NKAIN2: variants seen among roughly 807,000 people sequenced by gnomAD.
NKAIN2 encodes sodium/potassium transporting ATPase interacting 2, also known as sodium/potassium-transporting ATPase subunit beta-1-interacting protein 2.
NKAIN2 carries 14 observed loss-of-function variants against 32.6 expected under a neutral mutation model. That is an observed-to-expected ratio of 0.43 (90% CI 0.28 to 0.67). The LOEUF is 0.67. Among genes scored for constraint, NKAIN2 ranks in the 30% least tolerant of loss-of-function variants. The pLI is 0.17. For synonymous variants in NKAIN2, 80 were observed against 87.2 expected, an observed-to-expected ratio of 0.92 and a Z score of 0.46; for missense variants, 198 against 258.3, an observed-to-expected ratio of 0.77 and a Z score of 1.60.
chr6:123,975,216 T>C (rs901239037), intron 1 of NKAIN2, among the ~76,000 whole-genome samples: 1 of 152,190 alleles, frequency 6.6e-6, no homozygotes, highest in African/African-American at 2.4e-5. Flanking sequence ...AAATGTTGAA[T>C]AAACTGGGTT....
intron 3 of NKAIN2, among the ~76,000 whole-genome samples, chr6:124,570,165 G>A (rs771883855): frequency 8.5e-5 from 13 of 152,308 alleles, no homozygotes; most frequent in South Asian, 6.2e-4. Context: ...AAGCAGCAAA[G>A]CATTCAAAAG....
intron 3 of NKAIN2, among the ~76,000 whole-genome samples, chr6:124,414,385 T>A (rs571686682): frequency 6.6e-6 from 1 of 152,316 alleles, no homozygotes; most frequent in South Asian, 2.1e-4. Context: ...CCATCTTATA[T>A]AATGTTGGAT....
At chr6:124,285,126 G>A (rs1201241028) in intron 2 of NKAIN2, among the ~76,000 whole-genome samples, 2 of 152,140 alleles carry the variant, frequency 1.3e-5, no homozygotes, top group African/African-American at 2.4e-5. Flanking sequence ...GAATTTCAGA[G>A]CCTTGATTTC....
intron 4 of NKAIN2, among the ~76,000 whole-genome samples, chr6:124,705,728 CA>C (rs1369173461): frequency 6.6e-6 from 1 of 152,066 alleles, no homozygotes; most frequent in African/African-American, 2.4e-5. Flanking sequence ...ACAGTAAAAT[CA>C]TAAGACATAC....
chr6:124,796,661 G>C (rs775154683), intron 5 of NKAIN2, among the ~76,000 whole-genome samples: 1 of 152,162 alleles, frequency 6.6e-6, no homozygotes, highest in Admixed American at 6.5e-5. Context: ...CTCTAGATGA[G>C]TAGCTTCTCA....
intron 1 of NKAIN2, among the ~76,000 whole-genome samples, chr6:124,032,492 T>G (rs921873315): frequency 2.0e-5 from 3 of 152,120 alleles, no homozygotes; most frequent in African/African-American, 7.2e-5. Flanking sequence ...TAGAACTTAA[T>G]GTAATGAAAG....
At chr6:124,658,461 A>C in intron 4 of NKAIN2, 75 bp downstream of exon 4, 1 of 1,607,154 alleles carries the variant, frequency 6.2e-7, no homozygotes, top group East Asian at 2.2e-5. Flanking sequence ...CAGTGCACAC[A>C]AATGGAATCT....
intron 1 of NKAIN2, among the ~76,000 whole-genome samples, chr6:124,103,499 T>A (rs1016598470): frequency 6.6e-6 from 1 of 152,148 alleles, no homozygotes; most frequent in Non-Finnish European, 1.5e-5. Context: ...TATAACCTAA[T>A]GAGAACTATC....
At position 124,218,176 on chromosome 6, in the gene NKAIN2, A is replaced by T. The variant is rs1300883816; in HGVS notation, c.55-64829A>T. Among the ~76,000 whole-genome samples, 3 of 148,360 alleles carry T rather than the reference A, an allele frequency of 2.0e-5. No homozygotes were observed. In the East Asian group the frequency reaches 5.8e-4, roughly 29 times the overall value. On this transcript the variant is annotated intron_variant, in intron 1 of 6. Transcript: ENST00000368417. ...CAATAAGTACATCTTGCTAGTTGAC[A>T]CACAATTATGTTAATGTAGTAAGAG...
At chr6:123,969,269 G>A (rs1778229388) in intron 1 of NKAIN2, among the ~76,000 whole-genome samples, 1 of 152,144 alleles carries the variant, frequency 6.6e-6, no homozygotes, top group Admixed American at 6.5e-5. Flanking sequence ...GCTCATTATG[G>A]TATGAAATGA....
chr6:124,203,842 G>A (rs1193022176), intron 1 of NKAIN2, among the ~76,000 whole-genome samples: 1 of 151,672 alleles, frequency 6.6e-6, no homozygotes, highest in Non-Finnish European at 1.5e-5. Flanking sequence ...TGTCACGAAA[G>A]ATGAAATATG....
At chr6:124,698,445 A>C (rs990715746) in intron 4 of NKAIN2, among the ~76,000 whole-genome samples, 2 of 152,180 alleles carry the variant, frequency 1.3e-5, no homozygotes, top group African/African-American at 2.4e-5. Flanking sequence ...AATCAGCTCC[A>C]CTTGGATATA....
At chr6:123,966,609 G>T (rs111322328) in intron 1 of NKAIN2, among the ~76,000 whole-genome samples, 1 of 152,118 alleles carries the variant, frequency 6.6e-6, no homozygotes, top group Non-Finnish European at 1.5e-5. Context: ...GCTTACAAAT[G>T]GATTTTGTTA....
intron 2 of NKAIN2, among the ~76,000 whole-genome samples, chr6:124,303,228 G>T (rs973643069): frequency 1.3e-5 from 2 of 152,128 alleles, no homozygotes; most frequent in African/African-American, 4.8e-5. Flanking sequence ...ATTTTAAACA[G>T]AAAATCTTCC....
chr6:124,353,070 T>C (rs1798801768), intron 2 of NKAIN2, among the ~76,000 whole-genome samples: 1 of 152,202 alleles, frequency 6.6e-6, no homozygotes, highest in Admixed American at 6.5e-5. Context: ...GTAAATCTGA[T>C]AAAAACCGGG....
intron 1 of NKAIN2, among the ~76,000 whole-genome samples, chr6:124,131,245 A>G (rs890149934): frequency 6.6e-5 from 10 of 152,124 alleles, no homozygotes; most frequent in African/African-American, 2.2e-4. Context: ...CTGGGGTTCA[A>G]GTGATCCTCC....
At chr6:124,781,058 G>A (rs796538523) in intron 4 of NKAIN2, among the ~76,000 whole-genome samples, 9 of 152,228 alleles carry the variant, frequency 5.9e-5, no homozygotes, top group African/African-American at 2.2e-4. Context: ...CCAGATTTCC[G>A]ACTTGGAAAA....
chr6:124,663,564 CAT>C (rs897093686), intron 4 of NKAIN2, among the ~76,000 whole-genome samples: 24 of 152,218 alleles, frequency 1.6e-4, no homozygotes, highest in African/African-American at 5.5e-4. Flanking sequence ...TTTCAAAAAA[CAT>C]ATATTGAAAT....
chr6:124,815,234 A>ATATATATATATATATATG (rs1562400457), intron 5 of NKAIN2, among the ~76,000 whole-genome samples: 3 of 144,896 alleles, frequency 2.1e-5, no homozygotes, highest in Admixed American at 6.9e-5. Flanking sequence ...ACATATATAT[A>ATATATATATATATATATG]TATATATGTA....
Sources: allele counts gnomAD v4.1 joint callset (sites outside exome capture counted in the v4.1 genomes callset), GRCh38; gene constraint gnomAD v4.1.1; transcripts MANE v1.5; gene names NCBI Gene and HGNC (gene_info 2026-07-23, HGNC 2026-07-21).